Variants in LSM14A observed in about 807,000 individuals in gnomAD.
The protein encoded by LSM14A is LSM14A mRNA processing body assembly factor, also known as protein LSM14 homolog A.
Under a neutral mutation model 52.4 loss-of-function variants are expected in LSM14A, and 14 were observed. The ratio of observed to expected loss-of-function variants is 0.27; its 90% CI spans 0.18 to 0.42. LSM14A has a LOEUF of 0.42. Ranked by LOEUF, LSM14A falls within the 10% of genes least tolerant of loss-of-function variation. The probability of loss-of-function intolerance (pLI) is 1.00; values close to 1 mark genes in which losing one functional copy is unlikely to be tolerated. For missense variants in LSM14A, 417 were observed against 581.8 expected (o/e 0.72, Z 2.91); for synonymous variants, 185 against 200.3 (o/e 0.92, Z 0.64).
In LSM14A at chr19:34,220,818, C is replaced by A. The variant is rs76195155; in HGVS notation, c.1137-689C>A. Among the ~76,000 whole-genome samples, 502 of 152,318 alleles carry A rather than the reference C, an allele frequency of 3.3e-3. 14 individuals are homozygous for A. The East Asian group carries it at 0.059, about 18-fold the overall frequency. ...GGAACATAATGGGGACCTAAGGGCC[C>A]ACCTTCCATCTCCTAGCTTCCCAAG... On this transcript the variant is annotated intron_variant, in intron 8 of 9. Coordinates refer to ENST00000544216, the MANE Select transcript of LSM14A (RefSeq NM_015578.4).
intron 1 of LSM14A, among the ~76,000 whole-genome samples, chr19:34,187,408 A>G (rs1221316437): frequency 6.6e-6 from 1 of 151,956 alleles, no homozygotes; most frequent in East Asian, 2.0e-4. Flanking sequence ...CCTCCCAAGT[A>G]GCTGGGATTA....
intron 9 of LSM14A, among the ~76,000 whole-genome samples, chr19:34,225,467 A>G (rs959147747): frequency 6.6e-6 from 1 of 152,214 alleles, no homozygotes; most frequent in Non-Finnish European, 1.5e-5. Context: ...CATGGATGAC[A>G]TTTCTGCAGC....
intron 4 of LSM14A, among the ~76,000 whole-genome samples, chr19:34,212,897 G>A (rs939935473): frequency 3.5e-4 from 54 of 152,152 alleles, no homozygotes; most frequent in Admixed American, 2.9e-3. Flanking sequence ...TTTCTCAAAA[G>A]CCTTGATAAA....
chr19:34,214,356 G>A (rs1428004125), intron 4 of LSM14A, among the ~76,000 whole-genome samples: 1 of 151,196 alleles, frequency 6.6e-6, no homozygotes, highest in Admixed American at 6.6e-5. Context: ...CTGTCACCTA[G>A]GCTAGAGTGC....
chr19:34,199,686 A>G (rs541947754), intron 3 of LSM14A, among the ~76,000 whole-genome samples: 2 of 152,290 alleles, frequency 1.3e-5, no homozygotes, highest in African/African-American at 4.8e-5. Context: ...CAAGGGACAC[A>G]TGTAGACTCA....
At chr19:34,198,830 C>CA (rs2071064441) in intron 3 of LSM14A, among the ~76,000 whole-genome samples, 1 of 151,608 alleles carries the variant, frequency 6.6e-6, no homozygotes, top group Middle Eastern at 3.4e-3. Context: ...ACTAAAAATA[C>CA]AAAAAAATTA....
chr19:34,227,372 A>G lies in LSM14A; in HGVS notation c.1376A>G (p.Asn459Ser). 1.9e-6 allele frequency: 3 copies of G among 1,598,778 alleles called. No individual in the cohort carries two copies. Among genetic ancestry groups the G allele is most frequent in the South Asian group, 2.3e-5 (2 of 87,104 alleles). Reference sequence around the variant, plus strand: ...TTTTTTTTTCTTTTTTAGAAAGACAACAAAGTTGCTGCATAGTCTACAAAC... The same window carrying G: ...TTTTTTTTTCTTTTTTAGAAAGACAGCAAAGTTGCTGCATAGTCTACAAAC... ...EFADFEYRKD[N>S]KVAA Residue 459 changes from asparagine to serine, a missense_variant, in exon 10 of 10, where the codon AAC becomes AGC. Around this residue, in one of 2 missense-constraint regions of LSM14A, gnomAD observed 357 missense variants for 457.0 expected, o/e 0.78. Coordinates refer to ENST00000544216, the MANE Select transcript of LSM14A (RefSeq NM_015578.4).
At chr19:34,181,023 A>T (rs2069442448) in intron 1 of LSM14A, among the ~76,000 whole-genome samples, 1 of 152,230 alleles carries the variant, frequency 6.6e-6, no homozygotes, top group South Asian at 2.1e-4. Flanking sequence ...CAAACGAAAG[A>T]TAATTTTGAT....
At chr19:34,226,481 CTT>C (rs1159411288) in intron 9 of LSM14A, 1 of 1,461,044 alleles carries the variant, frequency 6.8e-7, no homozygotes, top group Non-Finnish European at 9.1e-7. Context: ...AAAACAAATA[CTT>C]TGGGAGGTGT....
At chr19:34,206,090 T>C (rs778396659) in intron 3 of LSM14A, among the ~76,000 whole-genome samples, 16 of 152,238 alleles carry the variant, frequency 1.1e-4, no homozygotes, top group Non-Finnish European at 1.5e-4. Context: ...AATATCTCTA[T>C]ATCTTCTAAT....
At chr19:34,223,585 G>A (rs997810379) in intron 9 of LSM14A, among the ~76,000 whole-genome samples, 1 of 152,210 alleles carries the variant, frequency 6.6e-6, no homozygotes, top group Non-Finnish European at 1.5e-5. Context: ...ATCCATGATT[G>A]TGGCCTGTTG....
Position 34,225,957 on chromosome 19 carries a change from G to T in LSM14A, c.1369-1408G>T, listed in dbSNP as rs554997089. The stretch of plus-strand genomic sequence containing the variant: ...CATGCCTGTAGTCCCAGCTACTCAG[G>T]AGGCTAAGGCAGGAGGATCAGTTGA... On this transcript the variant is annotated intron_variant, in intron 9 of 9. Coordinates refer to ENST00000544216, the MANE Select transcript of LSM14A (RefSeq NM_015578.4). 2.1e-4 allele frequency among the ~76,000 whole-genome samples: 32 copies of T among 152,070 alleles called. No individual in the cohort carries two copies. The South Asian group carries it at 6.4e-3, about 31-fold the overall frequency.
intron 3 of LSM14A, among the ~76,000 whole-genome samples, chr19:34,203,888 A>T (rs2071492739): frequency 6.6e-6 from 1 of 150,644 alleles, no homozygotes; most frequent in African/African-American, 2.4e-5. Flanking sequence ...AAAGGCAGAG[A>T]GTGTCAGACT....
In LSM14A at chr19:34,227,370, C is replaced by T; in HGVS notation, c.1374C>T (p.Asp458=). 2 of 1,596,218 alleles carry T rather than the reference C, an allele frequency of 1.3e-6. No individual in the cohort carries two copies. Among genetic ancestry groups the T allele is most frequent in the Non-Finnish European group, 1.7e-6 (2 of 1,172,544 alleles). Residue 458 remains aspartate (D), a synonymous_variant, in exon 10 of 10, where the codon GAC becomes GAT. Coordinates refer to ENST00000544216, the MANE Select transcript of LSM14A (RefSeq NM_015578.4). The stretch of plus-strand genomic sequence containing the variant: ...AATTTTTTTTTCTTTTTTAGAAAGA[C>T]AACAAAGTTGCTGCATAGTCTACAA... ...REFADFEYRK[D]NKVAA
In LSM14A at chr19:34,219,386, C is replaced by T; in HGVS notation, c.782-5C>T. On this transcript the variant is annotated splice_region_variant and splice_polypyrimidine_tract_variant and intron_variant, in intron 6 of 9. Transcript: ENST00000544216. ...GTCCTTTGTATATATTCTTTATTAT[C>T]ATAGCTCCAGGTGCTCCTTCAGCTC... The T allele has an allele frequency of 6.3e-7, 1 of 1,598,766 alleles. No individual in the cohort carries two copies. The highest frequency in any genetic ancestry group is 8.5e-7 in the Non-Finnish European group (1 of 1,173,004).
At chr19:34,215,520 T>A in intron 5 of LSM14A, 76 bp from the exon 6 acceptor site, 1 of 1,311,286 alleles carries the variant, frequency 7.6e-7, no homozygotes, top group African/African-American at 1.5e-5. Context: ...GGTTTGTTTG[T>A]TTGCATTTCT....
At chr19:34,178,186 A>G (rs1250037121) in intron 1 of LSM14A, among the ~76,000 whole-genome samples, 2 of 151,570 alleles carry the variant, frequency 1.3e-5, no homozygotes, top group Non-Finnish European at 2.9e-5. Context: ...ACAAAATAAT[A>G]ATAATAATCT....
intron 3 of LSM14A, among the ~76,000 whole-genome samples, chr19:34,204,107 G>C (rs2071510654): frequency 6.6e-6 from 1 of 152,064 alleles, no homozygotes; most frequent in Non-Finnish European, 1.5e-5. Flanking sequence ...GTAAAGATAA[G>C]GATCAGTTCA....
chr19:34,185,974 T>C (rs948657652), intron 1 of LSM14A, among the ~76,000 whole-genome samples: 2 of 152,226 alleles, frequency 1.3e-5, no homozygotes, highest in African/African-American at 4.8e-5. Flanking sequence ...CATTTTATCC[T>C]AAGTGAGTTT....
Sources: allele counts gnomAD v4.1 joint callset (sites outside exome capture counted in the v4.1 genomes callset), GRCh38; gene constraint gnomAD v4.1.1; regional missense constraint gnomAD v4.1.1; transcripts MANE v1.5; gene names NCBI Gene and HGNC (gene_info 2026-07-23, HGNC 2026-07-21).